Variants in ZDHHC11B observed in about 807,000 individuals in gnomAD.
ZDHHC11B encodes the protein zDHHC palmitoyltransferase 11B (putative).
Under a neutral mutation model 42.3 loss-of-function variants are expected in ZDHHC11B, and 17 were observed. The observed-to-expected ratio is 0.40, with a 90% CI of 0.27 to 0.60. The LOEUF (loss-of-function observed/expected upper bound fraction) is 0.60, where lower values mean the gene tolerates loss of function less well. Ranked by LOEUF, ZDHHC11B falls within the 20% of genes least tolerant of loss-of-function variation. ZDHHC11B has a pLI of 0.41. For synonymous variants in ZDHHC11B, 123 were observed against 193.5 expected, an observed-to-expected ratio of 0.64 and a Z score of 3.02; for missense variants, 262 against 463.2, an observed-to-expected ratio of 0.57 and a Z score of 3.99.
chr5:765,510 C>G (rs1412910755), intron 4 of ZDHHC11B, among the ~76,000 whole-genome samples: 1 of 151,944 alleles, frequency 6.6e-6, no homozygotes, highest in Non-Finnish European at 1.5e-5. Flanking sequence ...ACAGACCAAT[C>G]AGCTCTCTGT....
At chr5:756,538 C>T (rs556223769) in intron 4 of ZDHHC11B, among the ~76,000 whole-genome samples, 8,549 of 147,148 alleles carry the variant, frequency 0.058, 174 homozygotes, top group African/African-American at 0.16. Flanking sequence ...AGGGCAAATC[C>T]CCCACAGAAT....
intron 1 of ZDHHC11B, among the ~76,000 whole-genome samples, chr5:771,401 C>T (rs1323481178): frequency 6.6e-6 from 1 of 151,700 alleles, no homozygotes; most frequent in Non-Finnish European, 1.5e-5. Flanking sequence ...AGATGCCAAC[C>T]CAGCGGAGGA....
intron 13 of ZDHHC11B, among the ~76,000 whole-genome samples, chr5:713,268 G>A (rs1435499366): frequency 6.6e-6 from 1 of 151,744 alleles, no homozygotes; most frequent in Non-Finnish European, 1.5e-5. Context: ...CTATTTTGTT[G>A]TTAAATCCAT....
At chr5:766,124 T>G (rs1295505271) in intron 4 of ZDHHC11B, among the ~76,000 whole-genome samples, 1 of 151,792 alleles carries the variant, frequency 6.6e-6, no homozygotes, top group Non-Finnish European at 1.5e-5. Context: ...ACATGCCCCA[T>G]GGACATGCAC....
At chr5:726,498 G>A (rs1256001930) in intron 12 of ZDHHC11B, among the ~76,000 whole-genome samples, 2 of 138,950 alleles carry the variant, frequency 1.4e-5, no homozygotes, top group African/African-American at 2.8e-5. Context: ...TCATTCTCCT[G>A]TGGAGAAGAC....
At chr5:719,444 T>C (rs1248325751) in intron 12 of ZDHHC11B, among the ~76,000 whole-genome samples, 1 of 151,538 alleles carries the variant, frequency 6.6e-6, no homozygotes, top group African/African-American at 2.4e-5. Flanking sequence ...AAATTACATA[T>C]GAGCAAATTA....
chr5:721,589 C>G (rs1251813343), intron 12 of ZDHHC11B, among the ~76,000 whole-genome samples: 1 of 151,388 alleles, frequency 6.6e-6, no homozygotes, highest in African/African-American at 2.4e-5. Context: ...AGGTTAAGCA[C>G]AAGGGTGGTA....
Position 766,761 on chromosome 5 carries a change from G to A in ZDHHC11B, c.159C>T (p.Ser53=). ...VVTWAVFVGL[S]LATFRIFIPL... ...GAATGAAGATCCTGAAGGTGGCCAA[G>A]GAAAGGCCAACGAAGACAGCCCAAG... Residue 53 remains serine, a synonymous_variant, in exon 4 of 14, where the codon TCC becomes TCT. Transcript: ENST00000508859. 2 of 1,612,448 alleles carry A rather than the reference G, an allele frequency of 1.2e-6. No individual in the cohort carries two copies. Among genetic ancestry groups the A allele is most frequent in the Non-Finnish European group, 1.7e-6 (2 of 1,179,130 alleles).
At chr5:753,577 G>A (rs1354180298) in intron 6 of ZDHHC11B, among the ~76,000 whole-genome samples, 1 of 146,140 alleles carries the variant, frequency 6.8e-6, no homozygotes, top group African/African-American at 2.5e-5. Context: ...AGAGCAGAAT[G>A]AGTCCAGAAG....
At chr5:761,661 G>A (rs1734630003) in intron 4 of ZDHHC11B, among the ~76,000 whole-genome samples, 1 of 151,898 alleles carries the variant, frequency 6.6e-6, no homozygotes, top group Non-Finnish European at 1.5e-5. Flanking sequence ...GTAGAAGCCT[G>A]AACCCCCACA....
intron 12 of ZDHHC11B, among the ~76,000 whole-genome samples, chr5:720,974 G>A (rs187507371): frequency 4.5e-3 from 677 of 151,290 alleles, no homozygotes; most frequent in African/African-American, 0.016. Flanking sequence ...AGCCAAGTGT[G>A]GTGATGTGTG....
intron 12 of ZDHHC11B, among the ~76,000 whole-genome samples, chr5:727,472 CTTATATGAAAAAAT>C: frequency 6.8e-6 from 1 of 145,988 alleles, no homozygotes; most frequent in Non-Finnish European, 1.5e-5. Flanking sequence ...TTCAAACAAA[CTTATATGAAAAAAT>C]TAAAGTTTAA....
intron 11 of ZDHHC11B, among the ~76,000 whole-genome samples, chr5:731,672 C>G (rs1204133881): frequency 6.6e-6 from 1 of 151,898 alleles, no homozygotes; most frequent in African/African-American, 2.4e-5. Flanking sequence ...CATTCTTTTA[C>G]TGGTGACAAT....
At chr5:777,497 G>A (rs1031117545) in intron 1 of ZDHHC11B, among the ~76,000 whole-genome samples, 8 of 151,858 alleles carry the variant, frequency 5.3e-5, no homozygotes, top group Non-Finnish European at 1.0e-4. Context: ...AAGATTTATT[G>A]CTAAGAGCAA....
chr5:717,627 C>T lies in ZDHHC11B; in HGVS notation c.1059-762G>A, dbSNP rs1418886699. ...TTAAAAATTATAATCAGGATATAAA[C>T]GGATCCATAAATGAGTAAGGACAGG... On this transcript the variant is annotated intron_variant, in intron 12 of 13. Coordinates refer to ENST00000508859, the MANE Select transcript of ZDHHC11B (RefSeq NM_001351303.2). Among the ~76,000 whole-genome samples, 8 of 151,806 alleles carry T rather than the reference C, an allele frequency of 5.3e-5. 1 individual carries two copies. The highest frequency in any genetic ancestry group is 2.1e-4 in the South Asian group (1 of 4,814).
chr5:721,113 T>C (rs1742147276), intron 12 of ZDHHC11B, among the ~76,000 whole-genome samples: 1 of 151,562 alleles, frequency 6.6e-6, no homozygotes, highest in African/African-American at 2.4e-5. Context: ...CAAAAAAAAA[T>C]CTAAGTTGGT....
chr5:734,322 G>C (rs1346246514), intron 10 of ZDHHC11B, among the ~76,000 whole-genome samples: 1 of 110,884 alleles, frequency 9.0e-6, no homozygotes, highest in Admixed American at 8.3e-5. Context: ...CACAGAACAG[G>C]TGACAACTCC....
intron 11 of ZDHHC11B, 24 bp from the exon 12 acceptor site, chr5:730,492 T>C: frequency 6.4e-7 from 1 of 1,551,462 alleles, no homozygotes; most frequent in Non-Finnish European, 8.6e-7. Context: ...GGAAGCAAAA[T>C]TCTTAGGATG....
intron 12 of ZDHHC11B, 89 bp from the exon 13 acceptor site, chr5:716,954 GA>G (rs1741798881): frequency 6.3e-7 from 1 of 1,584,414 alleles, no homozygotes; most frequent in Non-Finnish European, 8.6e-7. Context: ...GTGTAAACAA[GA>G]GTACATTTTA....
Sources: gnomAD v4.1 joint callset for allele counts (sites outside exome capture counted in the v4.1 genomes callset) on GRCh38, gnomAD v4.1.1 for gene constraint, MANE v1.5 for transcripts, NCBI Gene and HGNC (gene_info 2026-07-23, HGNC 2026-07-21) for gene names.